The following GPHN variants were observed in gnomAD, a reference collection of about 807,000 sequenced individuals.
The protein encoded by GPHN is gephyrin.
A neutral mutation model predicts 95.5 loss-of-function variants in GPHN; 17 were observed. The observed-to-expected ratio is 0.18, with a 90% CI of 0.12 to 0.27. The LOEUF (loss-of-function observed/expected upper bound fraction) is 0.27. Among genes scored for constraint, GPHN ranks in the 10% least tolerant of loss-of-function variants. The pLI is 1.00. For synonymous variants in GPHN, 320 were observed against 322.5 expected, an observed-to-expected ratio of 0.99 and a Z score of 0.08; for missense variants, 660 against 978.1, an observed-to-expected ratio of 0.67 and a Z score of 4.34.
chr14:67,260,627 CTT>C, the GPHN span, among the ~76,000 whole-genome samples: 4 of 151,998 alleles, frequency 2.6e-5, no homozygotes, highest in Non-Finnish European at 5.9e-5. Context: ...AGAGGAAAAT[CTT>C]AACAGATAAA....
At chr14:66,842,761 A>G (rs1325884815) in intron 4 of GPHN, 1 of 1,374,544 alleles carries the variant, frequency 7.3e-7, no homozygotes, top group Non-Finnish European at 9.9e-7. Flanking sequence ...CAGATTAATA[A>G]TTTTTAGTGT....
chr14:66,768,762 TA>T (rs1390474474), intron 2 of GPHN, among the ~76,000 whole-genome samples: 1 of 151,902 alleles, frequency 6.6e-6, no homozygotes, highest in African/African-American at 2.4e-5. Flanking sequence ...AGTTATACAG[TA>T]AAACCATAGA....
intron 10 of GPHN, among the ~76,000 whole-genome samples, chr14:67,033,865 C>T (rs569486075): frequency 7.4e-4 from 112 of 152,224 alleles, no homozygotes; most frequent in Non-Finnish European, 3.7e-4. Flanking sequence ...ATGAAGTTCC[C>T]ATAAGAATGT....
At chr14:67,473,410 C>T in the GPHN span, 5 of 1,611,304 alleles carry the variant, frequency 3.1e-6, no homozygotes, top group Non-Finnish European at 3.4e-6. This position sits in a 1 kb window ranked among gnomAD's most constrained non-coding sequence, Gnocchi z 6.5. Context: ...GCCCCCCACC[C>T]GCTTCCTGCT....
the GPHN span, among the ~76,000 whole-genome samples, chr14:67,210,981 T>C: frequency 6.6e-6 from 1 of 152,068 alleles, no homozygotes; most frequent in Non-Finnish European, 1.5e-5. Flanking sequence ...GCCTGGGTGA[T>C]GGAGTGACAC....
At chr14:66,535,552 G>A (rs941429860) in intron 1 of GPHN, among the ~76,000 whole-genome samples, 4 of 152,102 alleles carry the variant, frequency 2.6e-5, no homozygotes, top group Non-Finnish European at 4.4e-5. Context: ...TCAATGTGGG[G>A]AGAATTGGCA....
the GPHN span, among the ~76,000 whole-genome samples, chr14:67,423,760 C>T: frequency 6.6e-6 from 1 of 152,210 alleles, no homozygotes; most frequent in African/African-American, 2.4e-5. Context: ...TGTTTCCTCC[C>T]AGCAAGGTGA....
intron 5 of GPHN, among the ~76,000 whole-genome samples, chr14:66,892,675 A>G (rs1230547846): frequency 6.6e-6 from 1 of 152,198 alleles, no homozygotes; most frequent in Non-Finnish European, 1.5e-5. Flanking sequence ...TATAAGGACA[A>G]ATGTGTGATT....
At chr14:66,546,298 G>A (rs1255625761) in intron 1 of GPHN, among the ~76,000 whole-genome samples, 1 of 151,866 alleles carries the variant, frequency 6.6e-6, no homozygotes, top group African/African-American at 2.4e-5. Flanking sequence ...TGGGCAGCCA[G>A]GCAGAGGGGC....
intron 18 of GPHN, among the ~76,000 whole-genome samples, chr14:67,152,662 T>C (rs2081348300): frequency 6.6e-6 from 1 of 152,218 alleles, no homozygotes; most frequent in South Asian, 2.1e-4. Context: ...TTTGCATTTC[T>C]TTGGAATAAA....
At chr14:66,559,479 C>T (rs2060141734) in intron 1 of GPHN, among the ~76,000 whole-genome samples, 1 of 148,504 alleles carries the variant, frequency 6.7e-6, no homozygotes, top group Non-Finnish European at 1.5e-5. Flanking sequence ...TTGCATTTCT[C>T]TGATGGTCAG....
chr14:66,579,421 TTA>T, intron 1 of GPHN, among the ~76,000 whole-genome samples: 1 of 150,112 alleles, frequency 6.7e-6, no homozygotes, highest in South Asian at 2.1e-4. Flanking sequence ...GCTGAATGGA[TTA>T]AAAAAAAAAA....
the GPHN span, chr14:67,198,400 G>A: frequency 1.5e-6 from 2 of 1,372,136 alleles, no homozygotes. Flanking sequence ...GATGGTAGGA[G>A]AATTGTTTTA....
chr14:67,241,559 G>C, the GPHN span: 1 of 153,124 alleles, frequency 6.5e-6, no homozygotes, highest in Non-Finnish European at 1.5e-5. Context: ...GCGGCGGCTG[G>C]GCTGTAGAGA....
At chr14:67,564,680 T>C in the GPHN span, among the ~76,000 whole-genome samples, 1 of 150,698 alleles carries the variant, frequency 6.6e-6, no homozygotes, top group Middle Eastern at 3.4e-3. Flanking sequence ...CTGACATTTT[T>C]TTTTTCTTTT....
chr14:66,910,568 C>T (rs979955513), intron 5 of GPHN, among the ~76,000 whole-genome samples: 8 of 151,910 alleles, frequency 5.3e-5, no homozygotes, highest in Non-Finnish European at 1.2e-4. Context: ...CATTAGCTTT[C>T]AAATGTTTTT....
chr14:66,722,632 T>TG, intron 2 of GPHN, among the ~76,000 whole-genome samples: 1 of 152,174 alleles, frequency 6.6e-6, no homozygotes, highest in South Asian at 2.1e-4. Context: ...TTTGTGGAGA[T>TG]GGGGTCTCAC....
At chr14:67,234,134 A>G in the GPHN span, among the ~76,000 whole-genome samples, 1 of 152,222 alleles carries the variant, frequency 6.6e-6, no homozygotes, top group African/African-American at 2.4e-5. Context: ...CTTTTATTAT[A>G]CTCATTTTAT....
intron 1 of GPHN, among the ~76,000 whole-genome samples, chr14:66,524,833 T>C (rs1189575470): frequency 2.0e-5 from 3 of 152,146 alleles, no homozygotes; most frequent in Non-Finnish European, 4.4e-5. Flanking sequence ...GAACTCATCC[T>C]TTTTTTATGG....
Sources: gnomAD v4.1 joint callset for allele counts (sites outside exome capture counted in the v4.1 genomes callset) on GRCh38, gnomAD v4.1.1 for gene constraint, Gnocchi (gnomAD v3.1) non-coding constraint, MANE v1.5 for transcripts, NCBI Gene and HGNC (gene_info 2026-07-23, HGNC 2026-07-21) for gene names.